Variants in PAX5 observed in about 807,000 individuals in gnomAD.
PAX5 encodes paired box protein Pax-5.
In PAX5, 9 loss-of-function variants were observed where a neutral mutation model predicts 43.7. The ratio of observed to expected loss-of-function variants is 0.21; its 90% CI spans 0.12 to 0.36. The LOEUF (loss-of-function observed/expected upper bound fraction) is 0.36. Ranked by LOEUF, PAX5 falls within the 10% of genes least tolerant of loss-of-function variation. PAX5 has a pLI of 1.00. For synonymous variants in PAX5, 228 were observed against 214.3 expected (o/e 1.06, Z -0.56); for missense variants, 383 against 532.7 (o/e 0.72, Z 2.77).
chr9:37,028,835 G>A (rs1280010352), intron 1 of PAX5, among the ~76,000 whole-genome samples: 1 of 152,216 alleles, frequency 6.6e-6, no homozygotes, highest in Non-Finnish European at 1.5e-5. Flanking sequence ...TCCCTATGTA[G>A]ACAAAATGGA....
intron 7 of PAX5, among the ~76,000 whole-genome samples, chr9:36,920,803 CTTTTTTTTTTTT>C (rs58220286): frequency 4.4e-5 from 4 of 91,226 alleles, no homozygotes; most frequent in Non-Finnish European, 8.7e-5. Context: ...ATAGACATAG[CTTTTTTTTTTTT>C]TTTTTTTTTT....
intron 8 of PAX5, among the ~76,000 whole-genome samples, chr9:36,848,350 C>CACACACACACA: frequency 7.3e-6 from 1 of 136,366 alleles, no homozygotes; most frequent in Non-Finnish European, 1.5e-5. Flanking sequence ...CAGAGCGTGT[C>CACACACACACA]CACACACACA....
intron 8 of PAX5, among the ~76,000 whole-genome samples, chr9:36,878,370 G>T (rs1395930007): frequency 6.6e-6 from 1 of 152,208 alleles, no homozygotes; most frequent in African/African-American, 2.4e-5. Context: ...TGGCGTAGGG[G>T]GCTGTGCCTT....
intron 5 of PAX5, among the ~76,000 whole-genome samples, chr9:37,000,300 C>T (rs1043482369): frequency 6.6e-6 from 1 of 152,172 alleles, no homozygotes; most frequent in African/African-American, 2.4e-5. Context: ...TAGGGGGAGG[C>T]TCTGGTTGAT....
At chr9:36,973,650 T>A (rs558051557) in intron 5 of PAX5, among the ~76,000 whole-genome samples, 1 of 152,232 alleles carries the variant, frequency 6.6e-6, no homozygotes, top group African/African-American at 2.4e-5. Context: ...GAGGATCACT[T>A]GAGGCCAGGA....
At chr9:36,924,744 GA>G (rs756191103) in intron 6 of PAX5, among the ~76,000 whole-genome samples, 10,691 of 96,990 alleles carry the variant, frequency 0.11, 900 homozygotes, top group East Asian at 0.2. Flanking sequence ...TGGAAGGAAG[GA>G]AGGAAGGAAG....
intron 8 of PAX5, chr9:36,856,422 C>T (rs1049050162): frequency 6.6e-6 from 1 of 152,268 alleles, no homozygotes; most frequent in Non-Finnish European, 1.5e-5. Flanking sequence ...TTAGCTCCCA[C>T]CTGCAGGCCT....
chr9:36,985,960 A>T (rs1015436317), intron 5 of PAX5, among the ~76,000 whole-genome samples: 13 of 152,274 alleles, frequency 8.5e-5, no homozygotes, highest in African/African-American at 3.1e-4. Context: ...TGCCTGTCCA[A>T]CATCAAGGAA....
chr9:36,904,054 G>T (rs749607315), intron 7 of PAX5, among the ~76,000 whole-genome samples: 6 of 152,228 alleles, frequency 3.9e-5, no homozygotes, highest in Admixed American at 6.5e-5. Flanking sequence ...CTGTGCCTCA[G>T]TTACTGCACC....
chr9:36,842,798 C>T (rs1248177547), intron 9 of PAX5, among the ~76,000 whole-genome samples: 1 of 152,154 alleles, frequency 6.6e-6, no homozygotes, highest in African/African-American at 2.4e-5. Flanking sequence ...CCCTTGCCAC[C>T]CTGGGGCCCT....
chr9:36,880,130 G>A (rs1203285267), intron 8 of PAX5, among the ~76,000 whole-genome samples: 3 of 152,260 alleles, frequency 2.0e-5, no homozygotes, highest in East Asian at 1.9e-4. Flanking sequence ...GGCCAGGATC[G>A]AATGTAGAAT....
At chr9:36,930,644 G>A (rs773751107) in intron 6 of PAX5, among the ~76,000 whole-genome samples, 11 of 152,194 alleles carry the variant, frequency 7.2e-5, no homozygotes, top group Admixed American at 2.0e-4. Flanking sequence ...TCACTTGTGT[G>A]GCTGTAGGTG....
chr9:36,888,848 C>T (rs970108353), intron 7 of PAX5, among the ~76,000 whole-genome samples: 13 of 152,286 alleles, frequency 8.5e-5, no homozygotes, highest in East Asian at 1.9e-4. Context: ...CAGGCTCCCC[C>T]GTTGCCTCCA....
intron 6 of PAX5, among the ~76,000 whole-genome samples, chr9:36,956,502 A>C (rs556805380): frequency 6.4e-4 from 97 of 152,206 alleles, no homozygotes; most frequent in Non-Finnish European, 4.4e-5. Context: ...AAAAACCATG[A>C]CCCAGAGTGA....
chr9:36,932,162 A>G (rs1012287646), intron 6 of PAX5, among the ~76,000 whole-genome samples: 1 of 152,088 alleles, frequency 6.6e-6, no homozygotes, highest in South Asian at 2.1e-4. Flanking sequence ...AGTCCCAGCT[A>G]TTTTGGAGAA....
intron 6 of PAX5, among the ~76,000 whole-genome samples, chr9:36,939,974 GGCTAAATCAAATA>G (rs1831907604): frequency 6.6e-6 from 1 of 152,218 alleles, no homozygotes; most frequent in Non-Finnish European, 1.5e-5. Flanking sequence ...CTAGTCCCCT[GGCTAAATCAAATA>G]GCTAAATCAC....
chr9:36,854,327 C>T (rs750521560), intron 8 of PAX5, among the ~76,000 whole-genome samples: 2 of 152,204 alleles, frequency 1.3e-5, no homozygotes, highest in African/African-American at 4.8e-5. Context: ...TGTATAGACA[C>T]TCCCGATATA....
intron 6 of PAX5, among the ~76,000 whole-genome samples, chr9:36,949,711 G>A (rs1441295056): frequency 3.3e-5 from 5 of 152,246 alleles, no homozygotes; most frequent in East Asian, 3.9e-4. Context: ...GGTCCCTGAC[G>A]CACTCCCCAG....
At position 37,029,514 on chromosome 9, in the gene PAX5, G is replaced by A. The variant is rs182951048; in HGVS notation, c.46+4472C>T. ...CTTTGTCTGGAACCCCGCCTGTCCG[G>A]ATCTTCCCCTTTCACCCCCGGCCTT... On this transcript the variant is annotated intron_variant, in intron 1 of 9. Coordinates refer to ENST00000358127, the MANE Select transcript of PAX5 (RefSeq NM_016734.3). 3.5e-3 allele frequency among the ~76,000 whole-genome samples: 537 copies of A among 152,326 alleles called. 2 individuals carry two copies. The highest frequency in any genetic ancestry group is 4.9e-3 in the Non-Finnish European group (336 of 68,032).
Sources: gnomAD v4.1 joint callset for allele counts (sites outside exome capture counted in the v4.1 genomes callset) on GRCh38, gnomAD v4.1.1 for gene constraint, MANE v1.5 for transcripts, NCBI Gene and HGNC (gene_info 2026-07-23, HGNC 2026-07-21) for gene names.